The following AKAP7 variants were observed in gnomAD, a reference collection of about 807,000 sequenced individuals.
The protein encoded by AKAP7 is A-kinase anchoring protein 7.
AKAP7 carries 39 observed loss-of-function variants against 39.5 expected under a neutral mutation model. The ratio of observed to expected loss-of-function variants is 0.99; its 90% CI spans 0.76 to 1.29. AKAP7 has a LOEUF of 1.29. AKAP7 is among the 50% of genes most tolerant of loss of function. AKAP7 has a pLI of 0.00. For synonymous variants in AKAP7, 140 were observed against 139.1 expected, an observed-to-expected ratio of 1.01 and a Z score of -0.05; for missense variants, 414 against 407.7, an observed-to-expected ratio of 1.02 and a Z score of -0.13.
At chr6:131,189,675 A>T (rs1037635583) in intron 5 of AKAP7, among the ~76,000 whole-genome samples, 1 of 152,226 alleles carries the variant, frequency 6.6e-6, no homozygotes, top group African/African-American at 2.4e-5. Flanking sequence ...AGCCTAAAAA[A>T]CAGATAAAGC....
chr6:131,171,038 A>G (rs1036123824), intron 5 of AKAP7, among the ~76,000 whole-genome samples: 17 of 152,180 alleles, frequency 1.1e-4, no homozygotes, highest in African/African-American at 3.6e-4. Context: ...GTTTTTATAA[A>G]TTTATTACCT....
At chr6:131,219,914 A>T (rs914914179) in intron 7 of AKAP7, 106 bp downstream of exon 7, 1 of 758,244 alleles carries the variant, frequency 1.3e-6, no homozygotes, top group Middle Eastern at 4.1e-4. Context: ...TTTCTCAATG[A>T]TATACTTTCC....
chr6:131,204,165 G>A (rs1371620248), intron 6 of AKAP7, among the ~76,000 whole-genome samples: 2 of 152,056 alleles, frequency 1.3e-5, no homozygotes, highest in Non-Finnish European at 2.9e-5. Flanking sequence ...TCTTTAAGAT[G>A]TCCTAGCTGC....
intron 1 of AKAP7, among the ~76,000 whole-genome samples, chr6:131,144,534 A>T (rs890419838): frequency 4.6e-5 from 7 of 152,220 alleles, no homozygotes; most frequent in Non-Finnish European, 7.3e-5. Context: ...CAATAAAGGC[A>T]TGGGTTATAA....
chr6:131,279,153 G>A (rs894404083), intron 7 of AKAP7, among the ~76,000 whole-genome samples: 1 of 152,198 alleles, frequency 6.6e-6, no homozygotes, highest in South Asian at 2.1e-4. Flanking sequence ...TGGTAATTAA[G>A]GGGGTTAATG....
chr6:131,273,287 T>C (rs1423432189), intron 7 of AKAP7, among the ~76,000 whole-genome samples: 1 of 152,188 alleles, frequency 6.6e-6, no homozygotes, highest in Non-Finnish European at 1.5e-5. Context: ...CATCTCTGAC[T>C]GTTCATTGGA....
intron 7 of AKAP7, among the ~76,000 whole-genome samples, chr6:131,257,659 G>T (rs1249409020): frequency 6.6e-6 from 1 of 152,092 alleles, no homozygotes; most frequent in African/African-American, 2.4e-5. Flanking sequence ...CTTCCTTTTG[G>T]GTTGTGAGCA....
At chr6:131,192,969 A>G (rs1248349753) in intron 5 of AKAP7, among the ~76,000 whole-genome samples, 1 of 152,094 alleles carries the variant, frequency 6.6e-6, no homozygotes, top group African/African-American at 2.4e-5. Flanking sequence ...CACCAGTTCT[A>G]ATAGTTTTTG....
chr6:131,260,178 CCA>C (rs1271290264), intron 7 of AKAP7, among the ~76,000 whole-genome samples: 2 of 152,184 alleles, frequency 1.3e-5, no homozygotes, highest in East Asian at 3.9e-4. Flanking sequence ...TGTATATGTA[CCA>C]CATTTTCTTT....
At chr6:131,130,354 A>G in the AKAP7 span, among the ~76,000 whole-genome samples, 6 of 152,270 alleles carry the variant, frequency 3.9e-5, no homozygotes, top group East Asian at 1.2e-3. Flanking sequence ...CCCAGGCACA[A>G]TCTTGGCTCA....
intron 5 of AKAP7, among the ~76,000 whole-genome samples, chr6:131,176,584 A>G (rs1804606006): frequency 6.6e-6 from 1 of 152,138 alleles, no homozygotes; most frequent in Non-Finnish European, 1.5e-5. Flanking sequence ...GCCCTTGGTT[A>G]GCATGATAAA....
chr6:131,252,068 C>T (rs1812490610), intron 7 of AKAP7, among the ~76,000 whole-genome samples: 6 of 152,200 alleles, frequency 3.9e-5, no homozygotes, highest in Admixed American at 3.9e-4. Context: ...CTTCCCCTGT[C>T]TGTAAGCATC....
At chr6:131,166,711 G>A (rs1803532896) in intron 4 of AKAP7, among the ~76,000 whole-genome samples, 1 of 152,166 alleles carries the variant, frequency 6.6e-6, no homozygotes, top group Non-Finnish European at 1.5e-5. Context: ...TGAGGTTCAA[G>A]GTGTGACCTC....
intron 7 of AKAP7, among the ~76,000 whole-genome samples, chr6:131,273,197 A>G (rs1814436103): frequency 6.6e-6 from 1 of 151,934 alleles, no homozygotes; most frequent in Admixed American, 6.6e-5. Flanking sequence ...ATTACCTTTA[A>G]CCTTCCTGTC....
intron 3 of AKAP7, among the ~76,000 whole-genome samples, chr6:131,160,401 C>G (rs2128237975): frequency 6.6e-6 from 1 of 152,272 alleles, no homozygotes; most frequent in Admixed American, 6.5e-5. Flanking sequence ...TTTTCTGAGA[C>G]AGGGTCTTGC....
At chr6:131,256,181 T>G (rs550820213) in intron 7 of AKAP7, among the ~76,000 whole-genome samples, 2 of 152,202 alleles carry the variant, frequency 1.3e-5, no homozygotes, top group Non-Finnish European at 2.9e-5. Flanking sequence ...AACCTGAGAC[T>G]ACATTTTGCG....
Position 131,154,262 on chromosome 6 carries a change from A to G in AKAP7, c.152-5797A>G, listed in dbSNP as rs368181259. 7.2e-5 allele frequency among the ~76,000 whole-genome samples: 11 copies of G among 152,288 alleles called. No homozygotes were observed. The South Asian group carries it at 2.3e-3, about 32-fold the overall frequency. The stretch of plus-strand genomic sequence containing the variant: ...TCTAAGTTGATTTCATAACCCACTA[A>G]TGGGTTGATGCTTGCAATTTGGGAA... On this transcript the variant is annotated intron_variant, in intron 2 of 7. Coordinates refer to ENST00000431975, the MANE Select transcript of AKAP7 (RefSeq NM_016377.4).
chr6:131,197,158 G>T (rs916851203), intron 5 of AKAP7, among the ~76,000 whole-genome samples: 2 of 151,898 alleles, frequency 1.3e-5, no homozygotes, highest in African/African-American at 4.8e-5. Flanking sequence ...TCATGTCTGT[G>T]TGTGTAATTC....
rs368474365 is a variant in AKAP7, at chr6:131,255,067, AG to A, written c.851-26462del. 1.9e-4 allele frequency among the ~76,000 whole-genome samples: 29 copies of A among 152,268 alleles called. 1 individual carries two copies. In the South Asian group the frequency reaches 3.5e-3, roughly 18 times the overall value. On this transcript the variant is annotated intron_variant, in intron 7 of 7. Coordinates refer to ENST00000431975, the MANE Select transcript of AKAP7 (RefSeq NM_016377.4). ...CTATATTTAGATTTTCCAATTACCT[AG>A]AAGTCATCCTAGAAATCCTATAGCC...
Sources: gnomAD v4.1 joint callset for allele counts (sites outside exome capture counted in the v4.1 genomes callset) on GRCh38, gnomAD v4.1.1 for gene constraint, MANE v1.5 for transcripts, NCBI Gene and HGNC (gene_info 2026-07-23, HGNC 2026-07-21) for gene names.